The following ATP8A2 variants were observed in gnomAD, a reference collection of about 807,000 sequenced individuals.
ATP8A2 encodes phospholipid-transporting ATPase IB.
ATP8A2 carries 100 observed loss-of-function variants against 165.6 expected under a neutral mutation model. The observed-to-expected ratio is 0.60, with a 90% confidence interval of 0.51 to 0.71. ATP8A2 has a LOEUF of 0.71. ATP8A2 is among the 30% of genes least tolerant of loss of function. The probability of loss-of-function intolerance (pLI) is 0.00; values close to 1 mark genes in which losing one functional copy is unlikely to be tolerated. For missense variants in ATP8A2, 1,227 were observed against 1,479.5 expected, an observed-to-expected ratio of 0.83 and a Z score of 2.80; for synonymous variants, 543 against 548.8, an observed-to-expected ratio of 0.99 and a Z score of 0.15.
Position 25,530,564 on chromosome 13 carries a change from A to G in ATP8A2, c.324A>G (p.Gln108=). 6.4e-7 allele frequency: 1 copy of G among 1,566,892 alleles called. No homozygotes were observed. The highest frequency in any genetic ancestry group is 8.7e-7 in the Non-Finnish European group (1 of 1,148,722). The change falls in exon 4 of 37, where the codon CAA becomes CAG. Residue 108 remains glutamine, a splice_region_variant and synonymous_variant. Coordinates refer to ENST00000381655, the MANE Select transcript of ATP8A2 (RefSeq NM_016529.6). ...ACTTGTGGTCTCTTATCTTCCAGCAAATTCCAGATGTATCTCCAACAGGAA... is the reference window on the plus strand; with the variant it reads ...ACTTGTGGTCTCTTATCTTCCAGCAGATTCCAGATGTATCTCCAACAGGAA... ...AFFLFIALLQ[Q]IPDVSPTGRY... is the part of the protein sequence containing the mutation.
At chr13:25,798,258 C>T (rs1017033084) in intron 27 of ATP8A2, among the ~76,000 whole-genome samples, 1 of 152,158 alleles carries the variant, frequency 6.6e-6, no homozygotes, top group African/African-American at 2.4e-5. Context: ...TCTGTGAAGA[C>T]ATATATAGAA....
At chr13:25,852,156 A>T (rs9507586) in intron 30 of ATP8A2, among the ~76,000 whole-genome samples, 20,247 of 151,720 alleles carry the variant, frequency 0.13, 1,602 homozygotes, top group Non-Finnish European at 0.18. Context: ...ACCTCCTCCT[A>T]TTTCTTCCCT....
intron 2 of ATP8A2, among the ~76,000 whole-genome samples, chr13:25,502,672 A>T (rs2036891608): frequency 6.6e-6 from 1 of 152,218 alleles, no homozygotes; most frequent in African/African-American, 2.4e-5. Flanking sequence ...TGGATCCTCT[A>T]CCTAGAACAC....
intron 2 of ATP8A2, among the ~76,000 whole-genome samples, chr13:25,481,201 G>C (rs1476035268): frequency 3.4e-5 from 5 of 149,248 alleles, no homozygotes; most frequent in Admixed American, 1.3e-4. Context: ...GACAGGGAGA[G>C]GAACAGGGAC....
chr13:25,899,793 A>C (rs1368610324), intron 33 of ATP8A2, among the ~76,000 whole-genome samples: 1 of 152,236 alleles, frequency 6.6e-6, no homozygotes, highest in Non-Finnish European at 1.5e-5. Context: ...ATTTTCCTGC[A>C]GATGGGATGG....
chr13:25,933,375 T>G (rs1004916124), intron 33 of ATP8A2, among the ~76,000 whole-genome samples: 2 of 152,254 alleles, frequency 1.3e-5, no homozygotes, highest in Admixed American at 1.3e-4. Context: ...TTCTGTCTGC[T>G]TGGCCCCAGA....
intron 33 of ATP8A2, among the ~76,000 whole-genome samples, chr13:25,920,410 C>T (rs1352736905): frequency 6.6e-6 from 1 of 152,216 alleles, no homozygotes; most frequent in East Asian, 1.9e-4. Context: ...TTAACACACA[C>T]ACACACATCC....
chr13:25,820,003 TCTACCAGGGATCC>T (rs1239702627), intron 27 of ATP8A2, among the ~76,000 whole-genome samples: 2 of 152,350 alleles, frequency 1.3e-5, no homozygotes, highest in South Asian at 4.1e-4. Context: ...ACTTCAGTCC[TCTACCAGGGATCC>T]TGAAAGAGCA....
chr13:25,769,322 C>G (rs2044567424), intron 26 of ATP8A2, 93 bp downstream of exon 26: 1 of 1,223,908 alleles, frequency 8.2e-7, no homozygotes, highest in East Asian at 2.4e-5. Context: ...CATCTCCAAA[C>G]CTCTGCCACC....
intron 1 of ATP8A2, among the ~76,000 whole-genome samples, chr13:25,387,041 T>G (rs1057165760): frequency 6.6e-6 from 1 of 152,174 alleles, no homozygotes; most frequent in Non-Finnish European, 1.5e-5. Flanking sequence ...ATTCAGTCAC[T>G]TCTCTCTGGA....
intron 2 of ATP8A2, among the ~76,000 whole-genome samples, chr13:25,502,667 C>T (rs1288917105): frequency 6.6e-6 from 1 of 152,174 alleles, no homozygotes; most frequent in African/African-American, 2.4e-5. Context: ...GCGGGTGGAT[C>T]CTCTACCTAG....
At chr13:25,630,081 C>CT (rs374003704) in intron 24 of ATP8A2, among the ~76,000 whole-genome samples, 3 of 122,444 alleles carry the variant, frequency 2.5e-5, no homozygotes, top group Admixed American at 1.6e-4. Flanking sequence ...CTTTTTGTCC[C>CT]CCCCCCACCA....
intron 33 of ATP8A2, among the ~76,000 whole-genome samples, chr13:25,879,762 A>G (rs1486887957): frequency 1.3e-5 from 2 of 152,210 alleles, no homozygotes; most frequent in African/African-American, 2.4e-5. Context: ...TCCTGGCGAT[A>G]CCCACATTCT....
At chr13:25,386,474 G>C (rs910685240) in intron 1 of ATP8A2, among the ~76,000 whole-genome samples, 4 of 152,202 alleles carry the variant, frequency 2.6e-5, no homozygotes, top group South Asian at 2.1e-4. Context: ...AAGCCATGTG[G>C]TAGTCTGAAG....
At chr13:26,019,643 C>G (rs935483836) in intron 36 of ATP8A2, among the ~76,000 whole-genome samples, 1 of 152,180 alleles carries the variant, frequency 6.6e-6, no homozygotes, top group Non-Finnish European at 1.5e-5. Context: ...GAAACCTACC[C>G]TCAGAGGCTT....
At chr13:25,977,837 G>A (rs1272139699) in intron 35 of ATP8A2, among the ~76,000 whole-genome samples, 1 of 152,202 alleles carries the variant, frequency 6.6e-6, no homozygotes, top group Non-Finnish European at 1.5e-5. Flanking sequence ...GAAAATGCCT[G>A]GAGAGAAAAT....
intron 1 of ATP8A2, among the ~76,000 whole-genome samples, chr13:25,461,873 G>GAGT (rs2035514777): frequency 6.6e-6 from 1 of 152,064 alleles, no homozygotes; most frequent in African/African-American, 2.4e-5. Flanking sequence ...GGAGGAGGAG[G>GAGT]AGGAGGAAGA....
intron 33 of ATP8A2, among the ~76,000 whole-genome samples, chr13:25,934,338 C>T (rs1954832647): frequency 1.3e-5 from 2 of 152,156 alleles, no homozygotes; most frequent in Admixed American, 6.5e-5. Flanking sequence ...ATGTAGAGAA[C>T]GTGTACCTCA....
chr13:25,870,126 T>C (rs1043813460), intron 33 of ATP8A2, among the ~76,000 whole-genome samples: 9 of 152,226 alleles, frequency 5.9e-5, no homozygotes, highest in African/African-American at 1.9e-4. Flanking sequence ...CCAATTGTTC[T>C]GGCCAAACTC....
Sources: gnomAD v4.1 joint callset for allele counts (sites outside exome capture counted in the v4.1 genomes callset) on GRCh38, gnomAD v4.1.1 for gene constraint, MANE v1.5 for transcripts, NCBI Gene and HGNC (gene_info 2026-07-23, HGNC 2026-07-21) for gene names.